SLC12A8: variants seen among roughly 807,000 people sequenced by gnomAD.
SLC12A8 encodes the protein cation-chloride cotransporter 9.
SLC12A8 carries 69 observed loss-of-function variants against 75.6 expected under a neutral mutation model. The observed-to-expected ratio is 0.91, with a 90% confidence interval of 0.75 to 1.11. The LOEUF (loss-of-function observed/expected upper bound fraction) is 1.11. Among genes scored for constraint, SLC12A8 ranks in the 50% most tolerant of loss-of-function variants. SLC12A8 has a pLI of 0.00. For missense variants in SLC12A8, 877 were observed against 896.7 expected (o/e 0.98, Z 0.28); for synonymous variants, 365 against 372.8 (o/e 0.98, Z 0.24).
chr3:125,087,647 G>A (rs1367263942), intron 13 of SLC12A8, among the ~76,000 whole-genome samples: 1 of 152,200 alleles, frequency 6.6e-6, no homozygotes. Flanking sequence ...AGGGGACAGA[G>A]GGTGGGTGTA....
At chr3:125,084,117 G>T in intron 13 of SLC12A8, 65 bp from the exon 14 acceptor site, 1 of 1,331,832 alleles carries the variant, frequency 7.5e-7, no homozygotes, top group Non-Finnish European at 1.0e-6. Flanking sequence ...GTAGAGGTGA[G>T]TCTACTGGGC....
In SLC12A8 at chr3:125,119,194, T is replaced by A. The variant is rs747478983; in HGVS notation, c.825-338A>T. On this transcript the variant is annotated intron_variant, in intron 7 of 13. Transcript: ENST00000469902. ...AATTTTAGTGTATGTACTGCTGAAG[T>A]GAGCAGTTTTTTTTCTCTTTCTTAT... 1.8e-5 allele frequency: 3 copies of A among 163,248 alleles called. No homozygotes were observed. In the South Asian group the frequency reaches 5.3e-4, roughly 29 times the overall value. 10.1% of individuals were successfully genotyped at this position (163,248 alleles called of 1,614,324 possible).
In SLC12A8 at chr3:125,083,801, C is replaced by T; in HGVS notation, c.*89G>A. 1 of 1,297,756 alleles carries T rather than the reference C, an allele frequency of 7.7e-7. No individual in the cohort carries two copies. Among genetic ancestry groups the T allele is most frequent in the Non-Finnish European group, 1.1e-6 (1 of 940,500 alleles). The allele number at this position is 1,297,756 out of a possible 1,614,324, so 80.4% of individuals were successfully genotyped here. ...GCGGGAGGATGGGTCTTGAGTTTCT[C>T]AGGTTGGAGAAGCAGCTCCACGAAG... On this transcript the variant is annotated 3_prime_UTR_variant, in exon 14 of 14. Coordinates refer to ENST00000469902, the MANE Select transcript of SLC12A8 (RefSeq NM_024628.6).
chr3:125,089,017 T>C (rs902491951), intron 12 of SLC12A8, among the ~76,000 whole-genome samples: 4 of 152,236 alleles, frequency 2.6e-5, no homozygotes, highest in African/African-American at 9.6e-5. Flanking sequence ...ATTCACATAG[T>C]AAATTATATA....
chr3:125,108,533 T>C (rs1180233931), intron 9 of SLC12A8, among the ~76,000 whole-genome samples: 1 of 152,082 alleles, frequency 6.6e-6, no homozygotes, highest in Non-Finnish European at 1.5e-5. Context: ...CATGCATGGC[T>C]AATTTTTGTA....
intron 13 of SLC12A8, among the ~76,000 whole-genome samples, chr3:125,084,824 G>C (rs937336296): frequency 1.3e-5 from 2 of 152,098 alleles, no homozygotes; most frequent in Admixed American, 1.3e-4. Flanking sequence ...TCATCTTCCC[G>C]GGTCTCTTCC....
chr3:125,209,001 T>C (rs1935286541), intron 2 of SLC12A8, among the ~76,000 whole-genome samples: 1 of 152,126 alleles, frequency 6.6e-6, no homozygotes, highest in South Asian at 2.1e-4. Flanking sequence ...CACTAGCCTG[T>C]CTTCCCACTG....
rs190601695 is a variant in SLC12A8 at position 125,159,124 on chromosome 3, A to C, written c.622+18619T>G. On this transcript the variant is annotated intron_variant, in intron 5 of 13. Coordinates refer to ENST00000469902, the MANE Select transcript of SLC12A8 (RefSeq NM_024628.6). ...GATACTTTTTGGAGAGGAAATAATAAAATTCTCTAATTAAAAATTTTTTAA... is the reference window on the plus strand; with the variant it reads ...GATACTTTTTGGAGAGGAAATAATACAATTCTCTAATTAAAAATTTTTTAA... Among the ~76,000 whole-genome samples the C allele has an allele frequency of 4.0e-3, 602 of 152,368 alleles. 2 individuals are homozygous for C. The highest frequency in any genetic ancestry group is 0.017 in the Middle Eastern group (5 of 294).
At chr3:125,168,522 G>A (rs953946740) in intron 5 of SLC12A8, among the ~76,000 whole-genome samples, 9 of 152,176 alleles carry the variant, frequency 5.9e-5, no homozygotes, top group African/African-American at 2.2e-4. Context: ...GAGGAAAAAG[G>A]CACAAAAACA....
At chr3:125,156,371 T>A (rs1934051512) in intron 5 of SLC12A8, among the ~76,000 whole-genome samples, 1 of 152,170 alleles carries the variant, frequency 6.6e-6, no homozygotes. Flanking sequence ...TCAGTGTGTG[T>A]GATCATGCAT....
intron 4 of SLC12A8, among the ~76,000 whole-genome samples, chr3:125,186,503 T>G (rs988366761): frequency 7.2e-5 from 11 of 152,200 alleles, no homozygotes; most frequent in African/African-American, 2.4e-4. Flanking sequence ...TTTAAACTGT[T>G]TTTTCAACCA....
intron 5 of SLC12A8, among the ~76,000 whole-genome samples, chr3:125,145,733 CT>C (rs1933755920): frequency 6.6e-6 from 1 of 152,222 alleles, no homozygotes; most frequent in Non-Finnish European, 1.5e-5. Context: ...CAGTAAGAGA[CT>C]AGCAACAATG....
chr3:125,125,872 A>G (rs1933191999), intron 6 of SLC12A8: 5 of 942,004 alleles, frequency 5.3e-6, no homozygotes, highest in African/African-American at 1.8e-5. Context: ...GTGGGGTTAC[A>G]TACCCACAAG....
At chr3:125,193,888 C>G (rs1934955562) in intron 2 of SLC12A8, among the ~76,000 whole-genome samples, 1 of 152,148 alleles carries the variant, frequency 6.6e-6, no homozygotes, top group African/African-American at 2.4e-5. Flanking sequence ...TGTTAAACAC[C>G]AGGAGAGAGG....
chr3:125,114,995 G>GA (rs1233950561), intron 8 of SLC12A8, among the ~76,000 whole-genome samples: 6 of 152,206 alleles, frequency 3.9e-5, no homozygotes, highest in African/African-American at 1.4e-4. Context: ...TTTGTGGGGA[G>GA]AAAATGTGTT....
At chr3:125,133,514 A>T (rs1933413572) in intron 6 of SLC12A8, among the ~76,000 whole-genome samples, 1 of 150,586 alleles carries the variant, frequency 6.6e-6, no homozygotes, top group Non-Finnish European at 1.5e-5. Flanking sequence ...TAAGTAGCTG[A>T]GAATCACTAC....
chr3:125,172,028 C>T (rs1934413382), intron 5 of SLC12A8, among the ~76,000 whole-genome samples: 1 of 151,978 alleles, frequency 6.6e-6, no homozygotes, highest in Non-Finnish European at 1.5e-5. Context: ...AATCCCAGCA[C>T]TTTGGGAGAC....
intron 2 of SLC12A8, 79 bp downstream of exon 2, chr3:125,211,220 T>A: frequency 8.6e-7 from 1 of 1,164,272 alleles, no homozygotes; most frequent in South Asian, 1.2e-5. Context: ...TGCGCTGTAA[T>A]GTTTGCATCC....
chr3:125,195,262 T>C (rs182290025), intron 2 of SLC12A8, among the ~76,000 whole-genome samples: 1 of 152,348 alleles, frequency 6.6e-6, no homozygotes, highest in African/African-American at 2.4e-5. Flanking sequence ...AAGCTGCATC[T>C]CTAACCCCTG....
Sources: allele counts gnomAD v4.1 joint callset (sites outside exome capture counted in the v4.1 genomes callset), GRCh38; gene constraint gnomAD v4.1.1; transcripts MANE v1.5; gene names NCBI Gene and HGNC (gene_info 2026-07-23, HGNC 2026-07-21).